BCAR3: variants seen among roughly 807,000 people sequenced by gnomAD.
BCAR3 encodes BCAR3 adaptor protein, NSP family member, also known as breast cancer anti-estrogen resistance protein 3.
In BCAR3, 37 loss-of-function variants were observed where a neutral mutation model predicts 80.1. That is an observed-to-expected ratio of 0.46 (90% confidence interval 0.36 to 0.61). BCAR3 has a LOEUF of 0.61. Among genes scored for constraint, BCAR3 ranks in the 20% least tolerant of loss-of-function variants. The pLI, the probability that BCAR3 is intolerant of heterozygous loss-of-function variation, is 0.00. For missense variants in BCAR3, 978 were observed against 1,068.2 expected (o/e 0.92, Z 1.18); for synonymous variants, 389 against 418.9 (o/e 0.93, Z 0.87).
intron 2 of BCAR3, among the ~76,000 whole-genome samples, chr1:93,789,505 T>C (rs1308001082): frequency 3.3e-5 from 5 of 152,234 alleles, no homozygotes; most frequent in Non-Finnish European, 7.3e-5. Flanking sequence ...CACAGATACG[T>C]ATTAGTATAT....
Position 93,791,183 on chromosome 1 carries a change from T to G in BCAR3, c.-63+54384A>C, listed in dbSNP as rs1352172773. On this transcript the variant is annotated intron_variant, in intron 2 of 13. Coordinates refer to the BCAR3 transcript ENST00000370244. ...GGTATATACCCAGTATTGGGATGGC[T>G]GGGTCAAATGGTATTTCTAGTTCTA... Among the ~76,000 whole-genome samples, 2 of 76,510 alleles carry G rather than the reference T, an allele frequency of 2.6e-5. 1 individual carries two copies. The highest frequency in any genetic ancestry group is 1.7e-4 in the African/African-American group (2 of 11,762). The allele number at this position is 76,510 out of a possible 152,430, so 50.2% of individuals were successfully genotyped here.
chr1:93,581,791 T>C (rs1673719984), intron 7 of BCAR3, among the ~76,000 whole-genome samples: 1 of 152,256 alleles, frequency 6.6e-6, no homozygotes, highest in Non-Finnish European at 1.5e-5. Context: ...ATCATTTTAG[T>C]AATAAAATAA....
rs1309488555 is a variant in BCAR3 at position 93,561,902 on chromosome 1, A to G, written c.*339T>C. On this transcript the variant is annotated 3_prime_UTR_variant, in exon 12 of 12. Coordinates refer to ENST00000260502, the MANE Select transcript of BCAR3 (RefSeq NM_003567.4). ...ATGTTTCATGCTTTTAAACTCTTCT[A>G]TTTACACTTATCTGACATGGAATTA... 10 of 183,230 alleles carry G rather than the reference A, an allele frequency of 5.5e-5. No individual in the cohort carries two copies. Among genetic ancestry groups the G allele is most frequent in the Admixed American group, 3.0e-4 (5 of 16,694 alleles). 11.4% of individuals were successfully genotyped at this position (183,230 alleles called of 1,614,324 possible).
At chr1:93,709,028 T>TA (rs895789937) in intron 2 of BCAR3, among the ~76,000 whole-genome samples, 13 of 151,550 alleles carry the variant, frequency 8.6e-5, no homozygotes, top group East Asian at 1.9e-4. Context: ...AGAGGCCAAT[T>TA]AAAAAAAAAT....
At chr1:93,756,805 T>C (rs889957530) in intron 2 of BCAR3, among the ~76,000 whole-genome samples, 1 of 152,192 alleles carries the variant, frequency 6.6e-6, no homozygotes, top group Non-Finnish European at 1.5e-5. Flanking sequence ...ATTTTTGGCA[T>C]CAACAGCACT....
rs575434160 is a variant in BCAR3, at chr1:93,773,221, G to A, written c.-62-67079C>T. Among the ~76,000 whole-genome samples, 17 of 152,248 alleles carry A rather than the reference G, an allele frequency of 1.1e-4. No individual in the cohort carries two copies. In the South Asian group the frequency reaches 2.7e-3, roughly 24 times the overall value. On this transcript the variant is annotated intron_variant, in intron 2 of 13. Coordinates refer to the BCAR3 transcript ENST00000370244. ...CTGCGTTTGAATCTACAATCCACAG[G>A]GATGGCATTACAAGTCTTCAGGCAG...
intron 9 of BCAR3, among the ~76,000 whole-genome samples, chr1:93,568,378 G>GTGTT (rs1341354674): frequency 6.6e-6 from 1 of 152,128 alleles, no homozygotes; most frequent in African/African-American, 2.4e-5. Context: ...TTGTGCGTGT[G>GTGTT]TGTTTCACAT....
rs535381371 is a variant in BCAR3, at chr1:93,633,795, C to T, written c.357+8509G>A. Among the ~76,000 whole-genome samples the T allele has an allele frequency of 8.5e-5, 13 of 152,258 alleles. 1 individual carries two copies. Among genetic ancestry groups the T allele is most frequent in the African/African-American group, 2.9e-4 (12 of 41,550 alleles). Reference sequence around the variant, plus strand: ...GATTACAGGCGCATGCCACCATGCCCGGGTAATTTTTGTATTTTTTTAGTT... The same window carrying T: ...GATTACAGGCGCATGCCACCATGCCTGGGTAATTTTTGTATTTTTTTAGTT... On this transcript the variant is annotated intron_variant, in intron 3 of 11. Transcript: ENST00000260502.
chr1:93,697,046 T>TA (rs1649436906), intron 3 of BCAR3, among the ~76,000 whole-genome samples: 1 of 152,194 alleles, frequency 6.6e-6, no homozygotes, highest in African/African-American at 2.4e-5. Context: ...TCTCCTCCCT[T>TA]AGCCTCTCAC....
intron 2 of BCAR3, among the ~76,000 whole-genome samples, chr1:93,832,290 C>T (rs1270149278): frequency 6.6e-6 from 1 of 152,238 alleles, no homozygotes; most frequent in Non-Finnish European, 1.5e-5. Flanking sequence ...TGAACCACAG[C>T]AGTCAGGCAT....
chr1:93,816,234 C>G (rs1338591835), intron 2 of BCAR3, among the ~76,000 whole-genome samples: 2 of 152,152 alleles, frequency 1.3e-5, no homozygotes, highest in Non-Finnish European at 2.9e-5. Context: ...TATTCTATCA[C>G]TGTAGGATAA....
chr1:93,726,060 CT>C (rs371561089), intron 2 of BCAR3, among the ~76,000 whole-genome samples: 36 of 147,986 alleles, frequency 2.4e-4, no homozygotes, highest in Middle Eastern at 3.4e-3. Context: ...AGGTTATTAG[CT>C]TTTTTTTTTG....
chr1:93,819,299 C>T (rs1165474397), intron 2 of BCAR3, among the ~76,000 whole-genome samples: 1 of 152,154 alleles, frequency 6.6e-6, no homozygotes, highest in Non-Finnish European at 1.5e-5. Context: ...CTCCTGACCT[C>T]GTGATCCACC....
chr1:93,620,190 C>T (rs747830051), intron 3 of BCAR3, among the ~76,000 whole-genome samples: 2 of 152,218 alleles, frequency 1.3e-5, no homozygotes, highest in African/African-American at 2.4e-5. Context: ...CCATGAGCCA[C>T]TGACCACTGG....
chr1:93,728,933 G>T (rs1362930177), intron 2 of BCAR3, among the ~76,000 whole-genome samples: 2 of 152,108 alleles, frequency 1.3e-5, no homozygotes, highest in Non-Finnish European at 2.9e-5. Flanking sequence ...AGGTCCGTGG[G>T]GGTGGAGCCA....
chr1:93,799,650 G>A (rs1653407672), intron 2 of BCAR3, among the ~76,000 whole-genome samples: 1 of 152,192 alleles, frequency 6.6e-6, no homozygotes, highest in Non-Finnish European at 1.5e-5. Flanking sequence ...AGCAATTACA[G>A]GGTGTGTTTT....
Position 93,652,314 on chromosome 1 carries a change from G to A in BCAR3, c.318-9971C>T, listed in dbSNP as rs528348140. Among the ~76,000 whole-genome samples the A allele has an allele frequency of 5.9e-5, 9 of 152,238 alleles. No homozygotes were observed. The East Asian group carries it at 1.3e-3, about 23-fold the overall frequency. ...GACAGTATCATAAAACCAAGTTAAT[G>A]CATTACAAATCCAAAAGCTTTAAAA... On this transcript the variant is annotated intron_variant, in intron 2 of 11. Coordinates refer to ENST00000260502, the MANE Select transcript of BCAR3 (RefSeq NM_003567.4).
rs1273650095 is a variant in BCAR3, at chr1:93,825,148, G to A, written c.-63+20419C>T. Among the ~76,000 whole-genome samples, 23 of 134,020 alleles carry A rather than the reference G, an allele frequency of 1.7e-4. 3 individuals carry two copies. Among genetic ancestry groups the A allele is most frequent in the African/African-American group, 3.7e-4 (15 of 40,024 alleles). 87.9% of individuals were successfully genotyped at this position (134,020 alleles called of 152,430 possible). A position where few individuals can be genotyped will look rare whatever the true frequency, so the allele number is the denominator to read the frequency against. Reference sequence around the variant, plus strand: ...CAAGGTCAAGTTCAGGAGGCAGTACGCACAAAACCTGACAGTAATACATGA... The same window carrying A: ...CAAGGTCAAGTTCAGGAGGCAGTACACACAAAACCTGACAGTAATACATGA... On this transcript the variant is annotated intron_variant, in intron 2 of 13. Coordinates refer to the BCAR3 transcript ENST00000370244.
chr1:93,819,485 C>T (rs902580274), intron 2 of BCAR3, among the ~76,000 whole-genome samples: 4 of 152,200 alleles, frequency 2.6e-5, no homozygotes, highest in East Asian at 1.9e-4. Context: ...AAAATACATG[C>T]GCTTTAGCAA....
Sources: allele counts gnomAD v4.1 joint callset (sites outside exome capture counted in the v4.1 genomes callset), GRCh38; gene constraint gnomAD v4.1.1; transcripts MANE v1.5; gene names NCBI Gene and HGNC (gene_info 2026-07-23, HGNC 2026-07-21).